The following PRDM6 variants were observed in gnomAD, a reference collection of about 807,000 sequenced individuals.
PRDM6 encodes putative histone-lysine N-methyltransferase PRDM6.
In PRDM6, 25 loss-of-function variants were observed where a neutral mutation model predicts 60.8. The ratio of observed to expected loss-of-function variants is 0.41; its 90% CI spans 0.30 to 0.57. The LOEUF (loss-of-function observed/expected upper bound fraction) is 0.57, where lower values mean the gene tolerates loss of function less well. PRDM6 is among the 20% of genes least tolerant of loss of function. PRDM6 has a pLI of 0.27. For synonymous variants in PRDM6, 407 were observed against 357.4 expected, an observed-to-expected ratio of 1.14 and a Z score of -1.57; for missense variants, 839 against 821.3, an observed-to-expected ratio of 1.02 and a Z score of -0.26.
In PRDM6 at chr5:123,150,411, C is replaced by T. The variant is rs900101796; in HGVS notation, c.901-5473C>T. On this transcript the variant is annotated intron_variant, in intron 3 of 7. Coordinates refer to ENST00000407847, the MANE Select transcript of PRDM6 (RefSeq NM_001136239.4). ...TAAGAAGGTCTCCTTTAACAACCAC[C>T]GTTCACCTTTTAAAAATCTTTTATT... Among the ~76,000 whole-genome samples, 9 of 152,052 alleles carry T rather than the reference C, an allele frequency of 5.9e-5. No individual in the cohort carries two copies. The East Asian group carries it at 1.2e-3, about 20-fold the overall frequency.
intron 3 of PRDM6, among the ~76,000 whole-genome samples, chr5:123,117,957 A>G (rs466712): frequency 0.92 from 139,815 of 152,110 alleles, 64,337 homozygotes; most frequent in East Asian, 0.99. Flanking sequence ...AGGCACTTTA[A>G]AGGGTTGTCT....
In PRDM6 at chr5:123,194,231, A is replaced by G. The variant is rs551897382; in HGVS notation, c.*7030A>G. 1 of 152,284 alleles carries G rather than the reference A, an allele frequency of 6.6e-6. No individual in the cohort carries two copies. Among genetic ancestry groups the G allele is most frequent in the African/African-American group, 2.4e-5 (1 of 41,574 alleles). 9.4% of individuals were successfully genotyped at this position (152,284 alleles called of 1,614,324 possible). ...AGATCATTGACCAAGAAATGTAAAT[A>G]TATTTGATTAATAAAACGTTTTTAT... On this transcript the variant is annotated 3_prime_UTR_variant, in exon 8 of 8. Transcript: ENST00000407847.
chr5:123,112,646 T>C (rs1764338857), intron 3 of PRDM6, among the ~76,000 whole-genome samples: 1 of 152,216 alleles, frequency 6.6e-6, no homozygotes, highest in South Asian at 2.1e-4. Context: ...CTGAAAGTCC[T>C]GACATTGTTT....
chr5:123,136,014 C>T (rs1229698823), intron 3 of PRDM6, among the ~76,000 whole-genome samples: 4 of 152,156 alleles, frequency 2.6e-5, no homozygotes, highest in Non-Finnish European at 5.9e-5. Context: ...ATTTTATTTG[C>T]AGACGGTCTA....
chr5:123,179,699 C>T (rs886165850), intron 6 of PRDM6, among the ~76,000 whole-genome samples: 3 of 151,482 alleles, frequency 2.0e-5, no homozygotes, highest in African/African-American at 7.3e-5. Context: ...ACTGCCTTCT[C>T]TGTCCCAGGG....
At chr5:123,185,159 T>G (rs1372574383) in intron 7 of PRDM6, among the ~76,000 whole-genome samples, 6 of 152,220 alleles carry the variant, frequency 3.9e-5, no homozygotes. Context: ...CATACACTTT[T>G]GCCTTATATG....
intron 7 of PRDM6, among the ~76,000 whole-genome samples, chr5:123,184,140 AG>A (rs1766229688): frequency 2.0e-5 from 3 of 152,182 alleles, no homozygotes; most frequent in African/African-American, 7.2e-5. Context: ...ATACATACAA[AG>A]CCCTGTGCAA....
At chr5:123,131,187 T>G (rs1452603931) in intron 3 of PRDM6, among the ~76,000 whole-genome samples, 1 of 152,018 alleles carries the variant, frequency 6.6e-6, no homozygotes, top group Non-Finnish European at 1.5e-5. Flanking sequence ...GGAAGGCTAG[T>G]AGGGAGGGGA....
Position 123,153,003 on chromosome 5 carries a change from A to T in PRDM6, c.901-2881A>T, listed in dbSNP as rs542943670. ...AGGTCTCCCTTTTTCTTATATTTCT[A>T]CTCCTATTGATAAAAGAGAAAGAAC... is the stretch of plus-strand genomic sequence containing the variant. On this transcript the variant is annotated intron_variant, in intron 3 of 7. Transcript: ENST00000407847. 1.1e-4 allele frequency among the ~76,000 whole-genome samples: 17 copies of T among 152,230 alleles called. No individual in the cohort carries two copies. In the South Asian group the frequency reaches 3.5e-3, roughly 32 times the overall value.
intron 1 of PRDM6, among the ~76,000 whole-genome samples, 164 bp downstream of exon 1, chr5:123,089,683 T>G (rs1277860563): frequency 6.6e-6 from 1 of 152,068 alleles, no homozygotes; most frequent in African/African-American, 2.4e-5. Context: ...CTCCGGGCGC[T>G]GGCTGAGGGC....
chr5:123,128,603 T>C (rs1194331484), intron 3 of PRDM6, among the ~76,000 whole-genome samples: 1 of 152,242 alleles, frequency 6.6e-6, no homozygotes, highest in East Asian at 1.9e-4. Context: ...TTTGCCCACT[T>C]GTTGATGGGA....
chr5:123,167,300 A>C (rs973223751), intron 5 of PRDM6, among the ~76,000 whole-genome samples: 5 of 151,900 alleles, frequency 3.3e-5, no homozygotes, highest in Admixed American at 2.6e-4. Flanking sequence ...ATCTCTCTTC[A>C]TCCCTACTCC....
intron 3 of PRDM6, among the ~76,000 whole-genome samples, chr5:123,130,091 C>CT: frequency 6.2e-5 from 2 of 32,452 alleles, no homozygotes; most frequent in Non-Finnish European, 1.3e-4. Context: ...TTTCTATTCC[C>CT]TCCCCTCCCC....
At chr5:123,096,708 T>TAG (rs1417060066) in intron 2 of PRDM6, among the ~76,000 whole-genome samples, 3 of 152,230 alleles carry the variant, frequency 2.0e-5, no homozygotes, top group Admixed American at 6.5e-5. Flanking sequence ...TGGGAGAGCC[T>TAG]CAGTTTTTCA....
At chr5:123,131,381 C>T (rs992223245) in intron 3 of PRDM6, among the ~76,000 whole-genome samples, 1 of 152,082 alleles carries the variant, frequency 6.6e-6, no homozygotes, top group Non-Finnish European at 1.5e-5. Context: ...TGATGGCTAG[C>T]TCAGTTACCC....
Position 123,190,501 on chromosome 5 carries a change from T to A in PRDM6, c.*3300T>A, listed in dbSNP as rs1346554631. On this transcript the variant is annotated 3_prime_UTR_variant, in exon 8 of 8. Coordinates refer to ENST00000407847, the MANE Select transcript of PRDM6 (RefSeq NM_001136239.4). ...GGCTAATTAAAGCTATGAAACTTAA[T>A]CTCATATAATTTATATAATTTGATT... The A allele has an allele frequency of 6.6e-6, 1 of 152,234 alleles. No homozygotes were observed. The highest frequency in any genetic ancestry group is 1.5e-5 in the Non-Finnish European group (1 of 68,044). 9.4% of individuals were successfully genotyped at this position (152,234 alleles called of 1,614,324 possible).
chr5:123,187,014 G>T lies in PRDM6; in HGVS notation c.1674-73G>T, dbSNP rs1014633516. 9.9e-6 allele frequency: 11 copies of T among 1,105,634 alleles called. No homozygotes were observed. In the South Asian group the frequency reaches 1.3e-4, roughly 14 times the overall value. The allele number at this position is 1,105,634 out of a possible 1,614,324, so 68.5% of individuals were successfully genotyped here. A position where few individuals can be genotyped will look rare whatever the true frequency, so the allele number is the denominator to read the frequency against. On this transcript the variant is annotated intron_variant, in intron 7 of 7. Transcript: ENST00000407847. ...ACTTTGGAGTGTCTGTTCTGATTAGGCAGGATGAGAGGAAGCCCATCACCC... is the reference window on the plus strand; with the variant it reads ...ACTTTGGAGTGTCTGTTCTGATTAGTCAGGATGAGAGGAAGCCCATCACCC...
intron 7 of PRDM6, among the ~76,000 whole-genome samples, chr5:123,182,201 G>C (rs561645281): frequency 1.3e-5 from 2 of 152,314 alleles, no homozygotes; most frequent in East Asian, 3.9e-4. Flanking sequence ...CCTATCACCA[G>C]TGCTTGTATC....
At chr5:123,105,518 G>A (rs906562231) in intron 3 of PRDM6, among the ~76,000 whole-genome samples, 1 of 152,188 alleles carries the variant, frequency 6.6e-6, no homozygotes, top group African/African-American at 2.4e-5. Context: ...ATTAAAAATT[G>A]TTGTGATTGA....
Sources: allele counts gnomAD v4.1 joint callset (sites outside exome capture counted in the v4.1 genomes callset), GRCh38; gene constraint gnomAD v4.1.1; transcripts MANE v1.5; gene names NCBI Gene and HGNC (gene_info 2026-07-23, HGNC 2026-07-21).